RSBN1: variants seen among roughly 807,000 people sequenced by gnomAD.
RSBN1 encodes round spermatid basic protein 1.
A neutral mutation model predicts 74.8 loss-of-function variants in RSBN1; 23 were observed. That is an observed-to-expected ratio of 0.31 (90% CI 0.22 to 0.44). The LOEUF is 0.44. RSBN1 is among the 20% of genes least tolerant of loss of function. The probability of loss-of-function intolerance (pLI) is 1.00; values close to 1 mark genes in which losing one functional copy is unlikely to be tolerated. For missense variants in RSBN1, 808 were observed against 1,020.9 expected (o/e 0.79, Z 2.84); for synonymous variants, 407 against 379.6 (o/e 1.07, Z -0.84).
intron 1 of RSBN1, among the ~76,000 whole-genome samples, chr1:113,805,698 T>C (rs1660686991): frequency 6.6e-6 from 1 of 152,232 alleles, no homozygotes; most frequent in South Asian, 2.1e-4. Context: ...CAGATTAAAT[T>C]TTTGTTTCAA....
intron 1 of RSBN1, among the ~76,000 whole-genome samples, chr1:113,808,884 T>C (rs1660772074): frequency 6.6e-6 from 1 of 152,182 alleles, no homozygotes; most frequent in Non-Finnish European, 1.5e-5. Context: ...GTTACACTAA[T>C]CTACATATGA....
intron 4 of RSBN1, among the ~76,000 whole-genome samples, chr1:113,771,400 C>T (rs987932973): frequency 1.4e-4 from 21 of 151,880 alleles, no homozygotes; most frequent in Admixed American, 7.9e-4. Context: ...AGGAAAACAA[C>T]AACCATAGGT....
chr1:113,809,585 TAC>T (rs1485394756), intron 1 of RSBN1, among the ~76,000 whole-genome samples: 12 of 152,240 alleles, frequency 7.9e-5, no homozygotes, highest in Admixed American at 2.0e-4. Flanking sequence ...AAGGCTACAG[TAC>T]ACAGTTTTTC....
intron 6 of RSBN1, among the ~76,000 whole-genome samples, chr1:113,766,895 T>C (rs1412351560): frequency 6.6e-6 from 1 of 152,196 alleles, no homozygotes; most frequent in Non-Finnish European, 1.5e-5. Context: ...CCACCTGGTA[T>C]CCCAAAGATT....
intron 2 of RSBN1, among the ~76,000 whole-genome samples, chr1:113,783,967 G>T (rs1172002727): frequency 6.6e-6 from 1 of 152,236 alleles, no homozygotes; most frequent in Non-Finnish European, 1.5e-5. Context: ...GCAATATTCT[G>T]CATTGCACAG....
Position 113,797,440 on chromosome 1 carries a change from G to A in RSBN1, c.1300C>T (p.Pro434Ser). 1 of 1,614,012 alleles carries A rather than the reference G, an allele frequency of 6.2e-7. No individual in the cohort carries two copies. The highest frequency in any genetic ancestry group is 8.5e-7 in the Non-Finnish European group (1 of 1,179,942). ...ATTTCCATTTTCACTGGAGTGTTGGGGAAATTAAAAGCAAAGTAGTCCAAG... is the reference window on the plus strand; with the variant it reads ...ATTTCCATTTTCACTGGAGTGTTGGAGAAATTAAAAGCAAAGTAGTCCAAG... ...DFLDYFAFNF[P>S]NTPVKMEILG... Residue 434 changes from proline (P) to serine (S), a missense_variant, in exon 2 of 7, where the codon CCC (proline) becomes TCC (serine). Physicochemically the swap from Pro to Ser is moderately conservative, Grantham distance 74. Coordinates refer to ENST00000261441, the MANE Select transcript of RSBN1 (RefSeq NM_018364.5).
intron 4 of RSBN1, among the ~76,000 whole-genome samples, chr1:113,775,136 T>C (rs1659997324): frequency 6.6e-6 from 1 of 151,916 alleles, no homozygotes; most frequent in African/African-American, 2.4e-5. Flanking sequence ...GCAATTCTCC[T>C]GCCTCAGCCT....
At chr1:113,810,318 T>C (rs1383598740) in intron 1 of RSBN1, among the ~76,000 whole-genome samples, 2 of 152,074 alleles carry the variant, frequency 1.3e-5, no homozygotes, top group Non-Finnish European at 2.9e-5. Context: ...TGGGCCTCAG[T>C]TTCCTTTTCT....
chr1:113,779,952 G>A lies in RSBN1; in HGVS notation c.1378-2144C>T, dbSNP rs369048189. On this transcript the variant is annotated intron_variant, in intron 2 of 6. Transcript: ENST00000261441. Reference sequence around the variant, plus strand: ...AGAGAACTGCTTGAACATGGGAGGCGGAGTTTGCAGTGAGCCAAGATCGTG... The same window carrying A: ...AGAGAACTGCTTGAACATGGGAGGCAGAGTTTGCAGTGAGCCAAGATCGTG... Among the ~76,000 whole-genome samples, 9 of 152,012 alleles carry A rather than the reference G, an allele frequency of 5.9e-5. No individual in the cohort carries two copies. The South Asian group carries it at 8.3e-4, about 14-fold the overall frequency.
chr1:113,797,823 T>G lies in RSBN1; in HGVS notation c.917A>C (p.Lys306Thr). Residue 306 changes from lysine to threonine, a missense_variant, in exon 2 of 7, where the codon AAG (lysine) becomes ACG (threonine). By Grantham distance (78) the Lys-to-Thr change is moderately conservative. Coordinates refer to ENST00000261441, the MANE Select transcript of RSBN1 (RefSeq NM_018364.5). ...GQINSTSGLNKESFRYLKDEQ... is the reference protein window; with the variant it reads ...GQINSTSGLNTESFRYLKDEQ... ...ATCTTTCAGATACCTGAAGGACTCC[T>G]TATTAAGTCCTGAAGTGCTATTTAT... The G allele has an allele frequency of 6.2e-7, 1 of 1,614,048 alleles. No individual in the cohort carries two copies. The highest frequency in any genetic ancestry group is 1.1e-5 in the South Asian group (1 of 91,084).
rs1439595530 is a variant in RSBN1 at position 113,764,453 on chromosome 1, T to A, written c.*1527A>T. 1.3e-5 allele frequency: 2 copies of A among 152,806 alleles called. No individual in the cohort carries two copies. Among genetic ancestry groups the A allele is most frequent in the Admixed American group, 1.3e-4 (2 of 15,294 alleles). The allele number at this position is 152,806 out of a possible 1,614,324, so 9.5% of individuals were successfully genotyped here. A position where few individuals can be genotyped will look rare whatever the true frequency, so the allele number is the denominator to read the frequency against. ...CTATCGGTTTACACAGTGACCTCTATACTTTGCTAATATGCATTTAACTAC... is the reference window on the plus strand; with the variant it reads ...CTATCGGTTTACACAGTGACCTCTAAACTTTGCTAATATGCATTTAACTAC... On this transcript the variant is annotated 3_prime_UTR_variant, in exon 7 of 7. Transcript: ENST00000261441.
intron 2 of RSBN1, among the ~76,000 whole-genome samples, chr1:113,778,251 C>G (rs1250926826): frequency 2.0e-5 from 3 of 151,628 alleles, no homozygotes; most frequent in African/African-American, 7.3e-5. Context: ...GCCCAGATAC[C>G]AGGATACGAG....
rs746983490 is a variant in RSBN1 at position 113,797,444 on chromosome 1, A to G, written c.1296T>C (p.Asn432=). Residue 432 remains asparagine (N), a synonymous_variant, in exon 2 of 7, where the codon AAT becomes AAC. Transcript: ENST00000261441. The part of the protein sequence containing the change: ...LPDFLDYFAF[N]FPNTPVKMEI... ...CCATTTTCACTGGAGTGTTGGGGAA[A>G]TTAAAAGCAAAGTAGTCCAAGAAGT... 1 of 1,614,100 alleles carries G rather than the reference A, an allele frequency of 6.2e-7. No homozygotes were observed. Among genetic ancestry groups the G allele is most frequent in the South Asian group, 1.1e-5 (1 of 91,082 alleles).
At chr1:113,793,913 T>TC (rs1404560883) in intron 2 of RSBN1, among the ~76,000 whole-genome samples, 1 of 152,082 alleles carries the variant, frequency 6.6e-6, no homozygotes, top group African/African-American at 2.4e-5. Context: ...AGCAATCTGT[T>TC]CACCTCAGCC....
chr1:113,807,182 C>T (rs1660721289), intron 1 of RSBN1, among the ~76,000 whole-genome samples: 1 of 151,832 alleles, frequency 6.6e-6, no homozygotes, highest in Admixed American at 6.6e-5. Context: ...GGCATGGTGG[C>T]AGATGCCTGT....
At chr1:113,776,347 A>C (rs1660025049) in intron 4 of RSBN1, among the ~76,000 whole-genome samples, 2 of 152,214 alleles carry the variant, frequency 1.3e-5, no homozygotes, top group South Asian at 2.1e-4. Context: ...AAGGAAGGAA[A>C]GAAAAACTTC....
rs765111834 is a variant in RSBN1, at chr1:113,767,223, T to C, written c.1827-16A>G. ...TTGGTCACTCCTAAGATTAACAAAA[T>C]TAAGTTTCAGAGACAAACATCTCAC... On this transcript the variant is annotated splice_polypyrimidine_tract_variant and intron_variant, in intron 5 of 6. Transcript: ENST00000261441. 8.8e-6 allele frequency: 13 copies of C among 1,471,118 alleles called. No individual in the cohort carries two copies. In the South Asian group the frequency reaches 9.9e-5, roughly 11 times the overall value. 91.1% of individuals were successfully genotyped at this position (1,471,118 alleles called of 1,614,324 possible).
In RSBN1 at chr1:113,811,854, C is replaced by T; in HGVS notation, c.559G>A (p.Gly187Ser). 2 of 1,613,694 alleles carry T rather than the reference C, an allele frequency of 1.2e-6. No individual in the cohort carries two copies. The highest frequency in any genetic ancestry group is 1.7e-6 in the Non-Finnish European group (2 of 1,179,940). The change falls in exon 1 of 7, where the codon GGC (glycine) becomes AGC (serine). Residue 187 changes from glycine (G) to serine (S), a missense_variant. By Grantham distance (56) the Gly-to-Ser change is moderately conservative. Coordinates refer to ENST00000261441, the MANE Select transcript of RSBN1 (RefSeq NM_018364.5). ...TVSAAGPKHK[G>S]HKERHKHHHH... is the part of the protein sequence containing the mutation. ...TGGTGCTTGTGCCGCTCCTTGTGGC[C>T]CTTATGCTTGGGCCCGGCCGCGCTC...
chr1:113,771,462 C>T (rs1659883252), intron 4 of RSBN1, among the ~76,000 whole-genome samples: 1 of 151,384 alleles, frequency 6.6e-6, no homozygotes, highest in Admixed American at 6.6e-5. Context: ...CTGAAATAAG[C>T]CTTCTATAGG....
Sources: allele counts gnomAD v4.1 joint callset (sites outside exome capture counted in the v4.1 genomes callset), GRCh38; gene constraint gnomAD v4.1.1; transcripts MANE v1.5; gene names NCBI Gene and HGNC (gene_info 2026-07-23, HGNC 2026-07-21).